TENM2: variants seen among roughly 807,000 people sequenced by gnomAD.
TENM2 encodes the protein teneurin transmembrane protein 2.
In TENM2, 52 loss-of-function variants were observed where a neutral mutation model predicts 245.2. The ratio of observed to expected loss-of-function variants is 0.21; its 90% CI spans 0.17 to 0.27. The LOEUF (loss-of-function observed/expected upper bound fraction) is 0.27. Ranked by LOEUF, TENM2 falls within the 10% of genes least tolerant of loss-of-function variation. TENM2 has a pLI of 1.00. For missense variants in TENM2, 3,046 were observed against 3,666.8 expected (o/e 0.83, Z 4.37); for synonymous variants, 1,363 against 1,438.9 (o/e 0.95, Z 1.19).
At chr5:167,323,127 AAGG>A (rs1226252438) in intron 1 of TENM2, among the ~76,000 whole-genome samples, 2 of 152,224 alleles carry the variant, frequency 1.3e-5, no homozygotes, top group East Asian at 1.9e-4. Context: ...CAAATTCTGA[AAGG>A]AGGATTTATA....
chr5:167,114,122 G>A, the TENM2 span, among the ~76,000 whole-genome samples: 3 of 152,098 alleles, frequency 2.0e-5, no homozygotes, highest in Non-Finnish European at 4.4e-5. Context: ...GAGCCACATC[G>A]ATTTTCAGAA....
intron 2 of TENM2, among the ~76,000 whole-genome samples, chr5:167,628,217 T>C (rs931913208): frequency 1.3e-5 from 2 of 152,160 alleles, no homozygotes; most frequent in African/African-American, 4.8e-5. Context: ...CGTCGTTGCT[T>C]TTTTCTTCCT....
chr5:167,375,321 C>G, exon 2 of TENM2: 1 of 1,551,686 alleles, frequency 6.4e-7, no homozygotes, highest in Non-Finnish European at 8.7e-7. Context: ...GACGCCGACT[C>G]CGACACCGAG....
At chr5:167,402,930 T>C (rs7704394) in intron 2 of TENM2, among the ~76,000 whole-genome samples, 45,408 of 151,920 alleles carry the variant, frequency 0.3, 6,929 homozygotes, top group Middle Eastern at 0.44. Context: ...TCTGTCTCTG[T>C]AGTCTTCTGA....
chr5:167,437,794 T>A (rs577581258), intron 2 of TENM2, among the ~76,000 whole-genome samples: 3 of 152,316 alleles, frequency 2.0e-5, no homozygotes, highest in African/African-American at 7.2e-5. Context: ...TTGATTCTCA[T>A]TCTCTCTTGC....
chr5:168,142,418 A>G (rs1755637768), intron 12 of TENM2, among the ~76,000 whole-genome samples: 1 of 152,258 alleles, frequency 6.6e-6, no homozygotes, highest in South Asian at 2.1e-4. Context: ...AAGTAATACA[A>G]CTTTAAAATA....
chr5:167,261,532 A>G, the TENM2 span, among the ~76,000 whole-genome samples: 1 of 152,238 alleles, frequency 6.6e-6, no homozygotes, highest in East Asian at 1.9e-4. Context: ...CATCATTATC[A>G]TCACCCCTTC....
intron 2 of TENM2, among the ~76,000 whole-genome samples, chr5:167,646,907 G>A (rs985964882): frequency 6.6e-6 from 1 of 152,156 alleles, no homozygotes; most frequent in Non-Finnish European, 1.5e-5. Context: ...TTCTAAAGCA[G>A]GATAACAGTT....
chr5:168,095,597 A>G (rs1397062140), intron 8 of TENM2, among the ~76,000 whole-genome samples: 3 of 152,012 alleles, frequency 2.0e-5, no homozygotes, highest in African/African-American at 4.8e-5. Flanking sequence ...TTTAGCTTGT[A>G]TTCTCTATTA....
intron 2 of TENM2, among the ~76,000 whole-genome samples, chr5:167,545,113 G>T (rs1479704865): frequency 6.6e-6 from 1 of 152,068 alleles, no homozygotes; most frequent in Non-Finnish European, 1.5e-5. Flanking sequence ...GGAGATTTTG[G>T]CTCCTGAGAA....
At chr5:167,452,316 T>C (rs1296994669) in intron 2 of TENM2, among the ~76,000 whole-genome samples, 1 of 152,310 alleles carries the variant, frequency 6.6e-6, no homozygotes, top group Non-Finnish European at 1.5e-5. Context: ...GGGTCTGTTA[T>C]GGCTCTCTTG....
chr5:167,807,124 TAAAAAAAAAAAAAAAAA>T (rs1178739925), intron 2 of TENM2, among the ~76,000 whole-genome samples: 14 of 49,080 alleles, frequency 2.9e-4, no homozygotes, highest in African/African-American at 7.6e-4. Context: ...GCCCCTAGGT[TAAAAAAAAAAAAAAAAA>T]AAAAAAAAAA....
intron 1 of TENM2, among the ~76,000 whole-genome samples, chr5:167,316,972 C>A (rs1259971119): frequency 6.6e-6 from 1 of 152,146 alleles, no homozygotes; most frequent in Non-Finnish European, 1.5e-5. Flanking sequence ...CTGCACACCC[C>A]CTAATACCAA....
chr5:167,650,394 C>T (rs1209043622), intron 2 of TENM2, among the ~76,000 whole-genome samples: 1 of 152,050 alleles, frequency 6.6e-6, no homozygotes, highest in Non-Finnish European at 1.5e-5. Flanking sequence ...TGGCTTTGCC[C>T]CTAATTCAGC....
At chr5:167,750,363 T>G (rs952141884) in intron 2 of TENM2, among the ~76,000 whole-genome samples, 1 of 152,146 alleles carries the variant, frequency 6.6e-6, no homozygotes, top group African/African-American at 2.4e-5. Flanking sequence ...AGTTTGCATG[T>G]TTCTCCTTGA....
rs565179085 is a variant in TENM2, at chr5:167,596,147, G to A, written c.502+220674G>A. On this transcript the variant is annotated intron_variant, in intron 2 of 28. Coordinates refer to ENST00000518659, the Ensembl canonical transcript of TENM2. ...ATGGTTCAACAACTATTGGGGGTGCGACAGGAATAGCAACACTGATTAGTG... is the reference window on the plus strand; with the variant it reads ...ATGGTTCAACAACTATTGGGGGTGCAACAGGAATAGCAACACTGATTAGTG... Among the ~76,000 whole-genome samples, 5 of 152,260 alleles carry A rather than the reference G, an allele frequency of 3.3e-5. No homozygotes were observed. In the South Asian group the frequency reaches 8.3e-4, roughly 25 times the overall value.
chr5:168,055,544 C>T (rs749703371), intron 6 of TENM2, among the ~76,000 whole-genome samples: 1 of 152,106 alleles, frequency 6.6e-6, no homozygotes, highest in Non-Finnish European at 1.5e-5. Flanking sequence ...ACTGGTCACT[C>T]ACTGTATATT....
At chr5:167,488,668 C>T (rs931940704) in intron 2 of TENM2, among the ~76,000 whole-genome samples, 2 of 151,920 alleles carry the variant, frequency 1.3e-5, no homozygotes, top group Non-Finnish European at 2.9e-5. Context: ...CCTTCTACCC[C>T]CACCACATCC....
chr5:168,021,189 T>A lies in TENM2; in HGVS notation c.1187-26238T>A, dbSNP rs150601052. 2.0e-4 allele frequency among the ~76,000 whole-genome samples: 30 copies of A among 152,356 alleles called. No homozygotes were observed. In the East Asian group the frequency reaches 5.2e-3, roughly 26 times the overall value. On this transcript the variant is annotated intron_variant, in intron 5 of 28. Coordinates refer to ENST00000518659, the Ensembl canonical transcript of TENM2. ...TCCTGAGAATGCTTCCTAATGATTT[T>A]CTATGTCTGGAAGGGCAAACCCTCT...
Sources: gnomAD v4.1 joint callset for allele counts (sites outside exome capture counted in the v4.1 genomes callset) on GRCh38, gnomAD v4.1.1 for gene constraint, MANE v1.5 for transcripts, NCBI Gene and HGNC (gene_info 2026-07-23, HGNC 2026-07-21) for gene names.